Variants in HIRA observed in about 807,000 individuals in gnomAD.
HIRA encodes the protein protein HIRA.
In HIRA, 13 loss-of-function variants were observed where a neutral mutation model predicts 126.6. That is an observed-to-expected ratio of 0.10 (90% confidence interval 0.07 to 0.16). HIRA has a LOEUF of 0.16. Among genes scored for constraint, HIRA ranks in the 10% least tolerant of loss-of-function variants. The pLI is 1.00. For synonymous variants in HIRA, 511 were observed against 520.0 expected, an observed-to-expected ratio of 0.98 and a Z score of 0.24; for missense variants, 834 against 1,314.4, an observed-to-expected ratio of 0.63 and a Z score of 5.65.
intron 14 of HIRA, among the ~76,000 whole-genome samples, chr22:19,376,362 C>A (rs1302453765): frequency 6.6e-6 from 1 of 152,182 alleles, no homozygotes; most frequent in Admixed American, 6.5e-5. Flanking sequence ...AGAGGCCAGG[C>A]AGAAGCCTGC....
At chr22:19,344,580 G>C (rs2088666283) in intron 24 of HIRA, among the ~76,000 whole-genome samples, 1 of 152,128 alleles carries the variant, frequency 6.6e-6, no homozygotes, top group African/African-American at 2.4e-5. Flanking sequence ...CAAACACTTA[G>C]AGAATTAACA....
At chr22:19,331,901 C>T (rs1424985237) in intron 24 of HIRA, among the ~76,000 whole-genome samples, 3 of 152,158 alleles carry the variant, frequency 2.0e-5, no homozygotes, top group Admixed American at 6.5e-5. Context: ...GGTGGCTGGC[C>T]ATTCAGGAGG....
intron 9 of HIRA, among the ~76,000 whole-genome samples, chr22:19,391,407 G>T (rs1363838010): frequency 6.6e-6 from 1 of 152,114 alleles, no homozygotes; most frequent in Admixed American, 6.5e-5. Flanking sequence ...GATGACACTG[G>T]TGTGTAAACA....
chr22:19,406,865 T>TA (rs112414295), intron 4 of HIRA, among the ~76,000 whole-genome samples: 2,072 of 152,330 alleles, frequency 0.014, 26 homozygotes, highest in African/African-American at 0.032. Flanking sequence ...CCCTGACTTT[T>TA]AACCATTTTG....
At chr22:19,384,881 T>G (rs1383134184) in intron 12 of HIRA, among the ~76,000 whole-genome samples, 1 of 151,860 alleles carries the variant, frequency 6.6e-6, no homozygotes, top group African/African-American at 2.4e-5. Flanking sequence ...TCGGAACTCC[T>G]GACCTCAAGT....
At chr22:19,416,554 G>C (rs1048421712) in intron 1 of HIRA, among the ~76,000 whole-genome samples, 1 of 152,046 alleles carries the variant, frequency 6.6e-6, no homozygotes, top group Non-Finnish European at 1.5e-5. Context: ...TGCCCAGACT[G>C]GTCTCAAACT....
chr22:19,387,603 T>C (rs1321063530), intron 11 of HIRA, 108 bp downstream of exon 11: 2 of 695,854 alleles, frequency 2.9e-6, no homozygotes, highest in Admixed American at 5.1e-5. Flanking sequence ...TGTTAAGAAA[T>C]GACTTGTCTG....
Position 19,387,831 on chromosome 22 carries a change from C to T in HIRA, c.1008-15G>A. ...CATTCAGAGTCCTGAAAGACATGGC[C>T]ATCAGCAGCCTGGTAGCAAGAGCCC... On this transcript the variant is annotated splice_polypyrimidine_tract_variant and intron_variant, in intron 10 of 24. Transcript: ENST00000263208. 2 of 1,592,202 alleles carry T rather than the reference C, an allele frequency of 1.3e-6. No individual in the cohort carries two copies. Among genetic ancestry groups the T allele is most frequent in the East Asian group, 2.3e-5 (1 of 44,318 alleles).
rs749769669 is a variant in HIRA at position 19,377,910 on chromosome 22, A to C, written c.1572T>G (p.Ala524=). ...AATCGCCTGCAGGTCTGGCACTGGC[A>C]GCCACCACAGGCTCTGTGCAAGGCT... is the stretch of plus-strand genomic sequence containing the variant. The part of the protein sequence containing the change: ...ASKPCTEPVV[A]ASARPAGDSV... The change falls in exon 14 of 25, where the codon GCT becomes GCG. Residue 524 remains alanine (A), a synonymous_variant. Coordinates refer to ENST00000263208, the MANE Select transcript of HIRA (RefSeq NM_003325.4). 6.2e-7 allele frequency: 1 copy of C among 1,613,244 alleles called. No individual in the cohort carries two copies. Among genetic ancestry groups the C allele is most frequent in the Non-Finnish European group, 8.5e-7 (1 of 1,179,630 alleles).
intron 12 of HIRA, 111 bp downstream of exon 12, chr22:19,385,410 G>C (rs1254906775): frequency 2.4e-5 from 25 of 1,050,442 alleles, no homozygotes; most frequent in Non-Finnish European, 3.5e-5. Flanking sequence ...CTAACCCACA[G>C]ATCCCGTACC....
At chr22:19,420,473 A>ACAAAC (rs2089436735) in intron 1 of HIRA, among the ~76,000 whole-genome samples, 1 of 149,066 alleles carries the variant, frequency 6.7e-6, no homozygotes, top group African/African-American at 2.5e-5. Flanking sequence ...AAAAAAAAAA[A>ACAAAC]AAAAAAAACC....
chr22:19,426,338 C>T lies in HIRA; in HGVS notation c.37+5102G>A, dbSNP rs575427449. On this transcript the variant is annotated intron_variant, in intron 1 of 24. Transcript: ENST00000263208. ...CTGGCAAGGCTCTGCCTCCCAGCCC[C>T]ATTCTCCCTCTTGCCCTGTTTAGCC... Among the ~76,000 whole-genome samples, 7 of 152,338 alleles carry T rather than the reference C, an allele frequency of 4.6e-5. No individual in the cohort carries two copies. The East Asian group carries it at 1.4e-3, about 29-fold the overall frequency.
intron 15 of HIRA, 127 bp downstream of exon 15, chr22:19,375,504 T>A (rs2146209675): frequency 4.3e-6 from 4 of 934,428 alleles, no homozygotes; most frequent in Middle Eastern, 6.8e-4. Context: ...CTTGCTCCCA[T>A]GTATTGAGTG....
intron 23 of HIRA, among the ~76,000 whole-genome samples, chr22:19,352,745 C>G (rs944848979): frequency 2.6e-5 from 4 of 152,206 alleles, no homozygotes; most frequent in African/African-American, 7.2e-5. Flanking sequence ...GGAAGCTGCA[C>G]AGAGAGAGCT....
intron 7 of HIRA, 116 bp from the exon 8 acceptor site, chr22:19,394,625 C>CA: frequency 1.9e-6 from 2 of 1,041,620 alleles, no homozygotes; most frequent in South Asian, 3.1e-5. Context: ...GAGCATGCAC[C>CA]CCAAGCTTCT....
intron 22 of HIRA, 118 bp downstream of exon 22, chr22:19,353,878 G>A: frequency 5.4e-6 from 7 of 1,290,116 alleles, no homozygotes; most frequent in Non-Finnish European, 7.4e-6. Flanking sequence ...ACCAGCACCT[G>A]GGGCACAGGG....
intron 1 of HIRA, among the ~76,000 whole-genome samples, chr22:19,424,500 A>T (rs989033381): frequency 6.6e-6 from 1 of 152,252 alleles, no homozygotes; most frequent in African/African-American, 2.4e-5. Flanking sequence ...GAATGGCTAC[A>T]GAAGCAGTCA....
chr22:19,356,377 G>T, intron 19 of HIRA, 89 bp from the exon 20 acceptor site: 1 of 1,128,550 alleles, frequency 8.9e-7, no homozygotes, highest in Non-Finnish European at 1.3e-6. Flanking sequence ...TGGCCCTACT[G>T]CATGCGACCC....
At chr22:19,356,122 A>G (rs1403131590) in intron 20 of HIRA, 108 bp downstream of exon 20, 2 of 1,054,074 alleles carry the variant, frequency 1.9e-6, no homozygotes, top group Non-Finnish European at 2.9e-6. Context: ...CCTCACTGAG[A>G]GCCCTGGGCT....
Sources: allele counts gnomAD v4.1 joint callset (sites outside exome capture counted in the v4.1 genomes callset), GRCh38; gene constraint gnomAD v4.1.1; transcripts MANE v1.5; gene names NCBI Gene and HGNC (gene_info 2026-07-23, HGNC 2026-07-21).